The following ARFGEF2 variants were observed in gnomAD, a reference collection of about 807,000 sequenced individuals.
ARFGEF2 encodes the protein brefeldin A-inhibited guanine nucleotide-exchange protein 2.
ARFGEF2 carries 74 observed loss-of-function variants against 219.9 expected under a neutral mutation model. The observed-to-expected ratio is 0.34, with a 90% confidence interval of 0.28 to 0.41. ARFGEF2 has a LOEUF of 0.41. Among genes scored for constraint, ARFGEF2 ranks in the 10% least tolerant of loss-of-function variants. The pLI is 1.00. For synonymous variants in ARFGEF2, 733 were observed against 799.2 expected, an observed-to-expected ratio of 0.92 and a Z score of 1.40; for missense variants, 1,743 against 2,218.3, an observed-to-expected ratio of 0.79 and a Z score of 4.30.
chr20:48,950,579 A>G (rs1178468593), intron 3 of ARFGEF2, among the ~76,000 whole-genome samples: 1 of 151,572 alleles, frequency 6.6e-6, no homozygotes, highest in African/African-American at 2.4e-5. Context: ...GGATCGCTTG[A>G]GCCCAAGAGT....
At chr20:49,021,801 C>G (rs564045501) in intron 34 of ARFGEF2, among the ~76,000 whole-genome samples, 1 of 148,976 alleles carries the variant, frequency 6.7e-6, no homozygotes, top group Non-Finnish European at 1.5e-5. Context: ...GCAAAGATCA[C>G]GCCACTGCAC....
intron 37 of ARFGEF2, 102 bp downstream of exon 37, chr20:49,028,770 A>C (rs2091617566): frequency 1.5e-6 from 2 of 1,336,456 alleles, no homozygotes. Flanking sequence ...ACATGCTGAC[A>C]CTCTGACAAA....
At chr20:48,923,228 A>G (rs990781846) in intron 1 of ARFGEF2, among the ~76,000 whole-genome samples, 3 of 152,218 alleles carry the variant, frequency 2.0e-5, no homozygotes, top group Non-Finnish European at 4.4e-5. Flanking sequence ...TTGGTTTGGA[A>G]TCTGTAAAGG....
In ARFGEF2 at chr20:49,013,583, G is replaced by C; in HGVS notation, c.3938G>C (p.Ser1313Thr). 6.2e-7 allele frequency: 1 copy of C among 1,614,190 alleles called. No individual in the cohort carries two copies. Among genetic ancestry groups the C allele is most frequent in the Non-Finnish European group, 8.5e-7 (1 of 1,180,028 alleles). The change falls in exon 29 of 39, where the codon AGT (serine) becomes ACT (threonine). Residue 1313 changes from serine (S) to threonine (T), a missense_variant. Ser to Thr is a moderately conservative substitution (Grantham distance 58). Coordinates refer to ENST00000371917, the MANE Select transcript of ARFGEF2 (RefSeq NM_006420.3). Reference protein sequence around the residue: ...ERPRVLQEYTSDDMNVAPGDR... With the variant: ...ERPRVLQEYTTDDMNVAPGDR... ...TCCTAGGTGCTACAAGAATACACAA[G>C]TGATGACATGAATGTAGCTCCTGGT...
intron 14 of ARFGEF2, among the ~76,000 whole-genome samples, chr20:48,983,733 C>T (rs1008323121): frequency 1.3e-5 from 2 of 152,312 alleles, no homozygotes; most frequent in South Asian, 2.1e-4. Flanking sequence ...ACATCTCTTA[C>T]TCAAAGAGGC....
chr20:49,014,787 G>T (rs2091520468), intron 30 of ARFGEF2, among the ~76,000 whole-genome samples: 2 of 152,124 alleles, frequency 1.3e-5, no homozygotes, highest in African/African-American at 4.8e-5. Flanking sequence ...TATGGTTGAG[G>T]TCATAGTATA....
At chr20:49,004,843 C>T (rs2091448041) in intron 25 of ARFGEF2, among the ~76,000 whole-genome samples, 1 of 152,092 alleles carries the variant, frequency 6.6e-6, no homozygotes, top group African/African-American at 2.4e-5. Flanking sequence ...CAGAAAGTAG[C>T]ACATTTTAAA....
chr20:49,028,560 TA>T lies in ARFGEF2; in HGVS notation c.4959del (p.Lys1653AsnfsTer11). 6.2e-7 allele frequency: 1 copy of T among 1,614,232 alleles called. No homozygotes were observed. Among genetic ancestry groups the T allele is most frequent in the African/African-American group, 1.3e-5 (1 of 75,060 alleles). On this transcript the variant is annotated frameshift_variant, in exon 37 of 39. Coordinates refer to ENST00000371917, the MANE Select transcript of ARFGEF2 (RefSeq NM_006420.3). LOFTEE classifies it high-confidence loss of function. Reference protein sequence around the residue: ...GFKGKSKPNLLKQETSSLACC... With the variant: ...GFKGKSKPNLXKQETSSLACC... ...AAGGGCAAGTCTAAACCCAATCTTC[TA>T]AAACAAGAAACCAGCAGCCTGGCCT...
intron 6 of ARFGEF2, among the ~76,000 whole-genome samples, 200 bp downstream of exon 6, chr20:48,953,990 G>A (rs1420604957): frequency 2.0e-5 from 3 of 152,218 alleles, no homozygotes; most frequent in Non-Finnish European, 2.9e-5. Flanking sequence ...CAGCTGTGCT[G>A]TTTTCTCTAA....
chr20:48,947,225 C>T (rs901458606), intron 3 of ARFGEF2, among the ~76,000 whole-genome samples: 1 of 148,520 alleles, frequency 6.7e-6, no homozygotes, highest in Non-Finnish European at 1.5e-5. Flanking sequence ...ATGGTGAGAC[C>T]CCATCTCTGC....
chr20:48,975,567 C>T (rs964594108), intron 13 of ARFGEF2, among the ~76,000 whole-genome samples: 29 of 151,992 alleles, frequency 1.9e-4, no homozygotes, highest in African/African-American at 5.8e-4. Flanking sequence ...TTTGGGAGGT[C>T]GAGGGTGGTG....
intron 25 of ARFGEF2, among the ~76,000 whole-genome samples, chr20:49,004,212 A>C (rs1379850328): frequency 1.3e-5 from 2 of 151,338 alleles, no homozygotes; most frequent in Admixed American, 1.3e-4. Context: ...AATACAAAAA[A>C]AAGTAGCTGG....
At chr20:49,008,209 A>C (rs1267238032) in intron 26 of ARFGEF2, among the ~76,000 whole-genome samples, 1 of 152,216 alleles carries the variant, frequency 6.6e-6, no homozygotes, top group East Asian at 1.9e-4. Context: ...TAAATAAACA[A>C]GTGTTAAAGT....
At position 48,921,947 on chromosome 20, in the gene ARFGEF2, G is replaced by A; in HGVS notation, c.58G>A (p.Ala20Thr). The A allele has an allele frequency of 6.4e-7, 1 of 1,569,748 alleles. No homozygotes were observed. The highest frequency in any genetic ancestry group is 8.6e-7 in the Non-Finnish European group (1 of 1,157,578). ...FVSRALEKIL[A>T]DKEVKRPQHS... ...GTCCCGGGCCCTGGAGAAGATCCTA[G>A]CCGACAAGGAGGTGAAGCGGCCCCA... is the stretch of plus-strand genomic sequence containing the variant. The change falls in exon 1 of 39, where the codon GCC becomes ACC. Residue 20 changes from alanine (A) to threonine (T), a missense_variant. Transcript: ENST00000371917.
At chr20:48,970,909 G>A (rs1253570935) in intron 9 of ARFGEF2, among the ~76,000 whole-genome samples, 6 of 152,196 alleles carry the variant, frequency 3.9e-5, no homozygotes, top group African/African-American at 1.4e-4. Context: ...GATGGAAAGA[G>A]ACAAATAGGA....
intron 4 of ARFGEF2, among the ~76,000 whole-genome samples, chr20:48,952,407 T>C (rs1250224770): frequency 6.6e-6 from 1 of 152,144 alleles, no homozygotes; most frequent in African/African-American, 2.4e-5. Flanking sequence ...CCACCCTGCC[T>C]GGCTGGAAGT....
intron 21 of ARFGEF2, among the ~76,000 whole-genome samples, chr20:48,993,843 G>A (rs899684713): frequency 2.6e-5 from 4 of 152,158 alleles, no homozygotes; most frequent in Admixed American, 6.5e-5. Flanking sequence ...ATTAACGATT[G>A]CCAACAACTT....
rs1386860714 is a variant in ARFGEF2 at position 49,036,324 on chromosome 20, G to A, written c.*3125G>A. 1 of 398,026 alleles carries A rather than the reference G, an allele frequency of 2.5e-6. No individual in the cohort carries two copies. The highest frequency in any genetic ancestry group is 4.4e-6 in the Non-Finnish European group (1 of 225,872). The allele number at this position is 398,026 out of a possible 1,614,324, so 24.7% of individuals were successfully genotyped here. A position where few individuals can be genotyped will look rare whatever the true frequency, so the allele number is the denominator to read the frequency against. On this transcript the variant is annotated 3_prime_UTR_variant, in exon 39 of 39. Transcript: ENST00000371917. ...AGAATGAACATATCTGGAAATCCTT[G>A]CTCTCAAAACAAAACAATATAATCT... is the stretch of plus-strand genomic sequence containing the variant.
chr20:48,989,820 A>G, intron 20 of ARFGEF2, 136 bp downstream of exon 20: 1 of 1,336,038 alleles, frequency 7.5e-7, no homozygotes, highest in East Asian at 2.4e-5. Flanking sequence ...TACTGACAAG[A>G]AATCCGTAGC....
Sources: gnomAD v4.1 joint callset for allele counts (sites outside exome capture counted in the v4.1 genomes callset) on GRCh38, gnomAD v4.1.1 for gene constraint, MANE v1.5 for transcripts, NCBI Gene and HGNC (gene_info 2026-07-23, HGNC 2026-07-21) for gene names.